KIAA1755: variants seen among roughly 807,000 people sequenced by gnomAD.
KIAA1755 encodes the protein KIAA1755.
In KIAA1755, 68 loss-of-function variants were observed where a neutral mutation model predicts 91.7. That is an observed-to-expected ratio of 0.74 (90% CI 0.61 to 0.91). The LOEUF (loss-of-function observed/expected upper bound fraction) is 0.91, where lower values mean the gene tolerates loss of function less well. KIAA1755 is among the 40% of genes least tolerant of loss of function. KIAA1755 has a pLI of 0.00. For synonymous variants in KIAA1755, 610 were observed against 604.6 expected, an observed-to-expected ratio of 1.01 and a Z score of -0.13; for missense variants, 1,535 against 1,494.4, an observed-to-expected ratio of 1.03 and a Z score of -0.45.
In KIAA1755 at chr20:38,239,720, T is replaced by C. The variant is rs1421846131; in HGVS notation, c.1555A>G (p.Thr519Ala). 1 of 1,611,732 alleles carries C rather than the reference T, an allele frequency of 6.2e-7. No homozygotes were observed. The highest frequency in any genetic ancestry group is 8.5e-7 in the Non-Finnish European group (1 of 1,180,004). The change falls in exon 4 of 14, where the codon ACA (threonine) becomes GCA (alanine). Residue 519 changes from threonine (T) to alanine (A), a missense_variant. Coordinates refer to ENST00000279024, the MANE Select transcript of KIAA1755 (RefSeq NM_001029864.2). ...GGGCCAGATGTTTTGGTCTGAGTTG[T>C]TCCAGCTGGGAAAAAGCAACAACAA... ...NRAKSLGKAG[T>A]TQTKTSGPAT...
intron 13 of KIAA1755, among the ~76,000 whole-genome samples, chr20:38,215,696 G>C (rs1207001652): frequency 2.6e-5 from 4 of 152,204 alleles, no homozygotes; most frequent in Non-Finnish European, 5.9e-5. Context: ...CTCAGAGTTG[G>C]AGCACGTTTG....
intron 6 of KIAA1755, 104 bp from the exon 7 acceptor site, chr20:38,227,344 C>A (rs183397978): frequency 3.9e-6 from 3 of 765,104 alleles, no homozygotes; most frequent in East Asian, 5.5e-5. Context: ...GCAAATGGGT[C>A]ACAAGGACAG....
intron 2 of KIAA1755, 74 bp from the exon 3 acceptor site, chr20:38,242,003 C>A: frequency 6.9e-7 from 1 of 1,455,776 alleles, no homozygotes; most frequent in South Asian, 1.3e-5. Context: ...TCCTTTCCCT[C>A]TCCCACGTGG....
intron 4 of KIAA1755, among the ~76,000 whole-genome samples, chr20:38,231,998 T>C (rs2075873094): frequency 6.6e-6 from 1 of 152,164 alleles, no homozygotes; most frequent in African/African-American, 2.4e-5. Flanking sequence ...GTCATGAGGC[T>C]GAGGCTCCGG....
intron 4 of KIAA1755, 41 bp from the exon 5 acceptor site, chr20:38,231,366 G>A (rs2123160185): frequency 6.4e-7 from 1 of 1,568,150 alleles, no homozygotes; most frequent in East Asian, 2.3e-5. Flanking sequence ...AGAACTTGTG[G>A]GGGGCCCTCT....
At chr20:38,234,151 T>C (rs543576159) in intron 4 of KIAA1755, among the ~76,000 whole-genome samples, 2 of 152,208 alleles carry the variant, frequency 1.3e-5, no homozygotes, top group South Asian at 4.1e-4. Flanking sequence ...CCACCCACGT[T>C]ATGGCAGTCC....
chr20:38,233,626 G>A (rs1600610803), intron 4 of KIAA1755: 1 of 152,116 alleles, frequency 6.6e-6, no homozygotes, highest in African/African-American at 2.4e-5. Flanking sequence ...TGAATTAGGG[G>A]TGCCTTTGTC....
intron 4 of KIAA1755, among the ~76,000 whole-genome samples, chr20:38,237,604 G>A (rs2075980725): frequency 6.6e-6 from 1 of 151,978 alleles, no homozygotes; most frequent in South Asian, 2.1e-4. Context: ...GTGGTGGAGA[G>A]TGAGGAAGAT....
intron 1 of KIAA1755, among the ~76,000 whole-genome samples, chr20:38,251,999 T>A (rs2076259239): frequency 6.6e-6 from 1 of 152,162 alleles, no homozygotes; most frequent in South Asian, 2.1e-4. Context: ...AGCTCCATAC[T>A]CCAGAGAGAG....
rs368111994 is a variant in KIAA1755 at position 38,251,656 on chromosome 20, C to A, written c.4-5530G>T. ...TCTTGGCTCACTGCAACCTCCGCCT[C>A]CCGGGCTCAAGTGATTCTTCTGCTT... On this transcript the variant is annotated intron_variant, in intron 1 of 13. Coordinates refer to ENST00000279024, the MANE Select transcript of KIAA1755 (RefSeq NM_001029864.2). 2.6e-5 allele frequency among the ~76,000 whole-genome samples: 4 copies of A among 151,710 alleles called. No individual in the cohort carries two copies. The East Asian group carries it at 5.8e-4, about 22-fold the overall frequency.
chr20:38,250,036 C>T (rs1568777040), intron 1 of KIAA1755, among the ~76,000 whole-genome samples: 1 of 152,180 alleles, frequency 6.6e-6, no homozygotes, highest in Non-Finnish European at 1.5e-5. Flanking sequence ...CTGGGCTAAG[C>T]TTGATTTGTT....
chr20:38,222,780 C>G, intron 9 of KIAA1755, 183 bp from the exon 10 acceptor site: 2 of 663,130 alleles, frequency 3.0e-6, no homozygotes, highest in Admixed American at 4.5e-5. Flanking sequence ...CCACGGCAAC[C>G]TCATTGGTCC....
intron 3 of KIAA1755, 143 bp from the exon 4 acceptor site, chr20:38,239,868 C>A (rs2076023706): frequency 3.9e-5 from 31 of 796,256 alleles, no homozygotes; most frequent in Non-Finnish European, 6.3e-5. Flanking sequence ...CGCTAAGCCC[C>A]TTACTTCTAG....
chr20:38,248,896 A>G (rs1240603072), intron 1 of KIAA1755, among the ~76,000 whole-genome samples: 3 of 151,704 alleles, frequency 2.0e-5, no homozygotes, highest in Non-Finnish European at 1.5e-5. Context: ...GTTTTTAAAG[A>G]CAAGATCTTG....
intron 4 of KIAA1755, among the ~76,000 whole-genome samples, chr20:38,232,839 C>T (rs1424721887): frequency 6.6e-6 from 1 of 150,996 alleles, no homozygotes; most frequent in Non-Finnish European, 1.5e-5. Context: ...GTTAGGGGGC[C>T]GGGTGCAGTG....
chr20:38,228,402 C>T (rs558278306), intron 5 of KIAA1755, among the ~76,000 whole-genome samples, 162 bp from the exon 6 acceptor site: 8 of 152,298 alleles, frequency 5.3e-5, no homozygotes, highest in South Asian at 4.1e-4. Flanking sequence ...GGAAGCCCTC[C>T]GTGGTTCTTC....
At position 38,257,820 on chromosome 20, in the gene KIAA1755, A is replaced by C. The variant is rs569423749; in HGVS notation, c.3+2678T>G. Among the ~76,000 whole-genome samples, 4 of 152,324 alleles carry C rather than the reference A, an allele frequency of 2.6e-5. No individual in the cohort carries two copies. In the East Asian group the frequency reaches 7.7e-4, roughly 29 times the overall value. ...CAAAAGAAAACAGTCCTCGGGCTTG[A>C]AATTGTTCACCACCAACCTCATCCA... On this transcript the variant is annotated intron_variant, in intron 1 of 13. Coordinates refer to ENST00000279024, the MANE Select transcript of KIAA1755 (RefSeq NM_001029864.2).
intron 4 of KIAA1755, among the ~76,000 whole-genome samples, chr20:38,238,392 A>C (rs961664855): frequency 7.9e-5 from 12 of 152,228 alleles, no homozygotes; most frequent in African/African-American, 2.9e-4. Context: ...CAGGACAATC[A>C]GTCTCCAGAA....
intron 13 of KIAA1755, 30 bp downstream of exon 13, chr20:38,217,223 G>A (rs772407942): frequency 4.5e-6 from 7 of 1,553,490 alleles, no homozygotes; most frequent in East Asian, 2.3e-5. Flanking sequence ...GGATCGGGGG[G>A]TATCTGTGCA....
Sources: allele counts gnomAD v4.1 joint callset (sites outside exome capture counted in the v4.1 genomes callset), GRCh38; gene constraint gnomAD v4.1.1; transcripts MANE v1.5; gene names NCBI Gene and HGNC (gene_info 2026-07-23, HGNC 2026-07-21).